PRKAR1B: variants seen among roughly 807,000 people sequenced by gnomAD.
PRKAR1B encodes the protein protein kinase cAMP-dependent type I regulatory subunit beta, also known as cAMP-dependent protein kinase type I-beta regulatory subunit.
In PRKAR1B, 22 loss-of-function variants were observed where a neutral mutation model predicts 46.5. That is an observed-to-expected ratio of 0.47 (90% CI 0.34 to 0.68). PRKAR1B has a LOEUF of 0.68. Ranked by LOEUF, PRKAR1B falls within the 30% of genes least tolerant of loss-of-function variation. The probability of loss-of-function intolerance (pLI) is 0.01; values close to 1 mark genes in which losing one functional copy is unlikely to be tolerated. For synonymous variants in PRKAR1B, 259 were observed against 217.7 expected, an observed-to-expected ratio of 1.19 and a Z score of -1.67; for missense variants, 445 against 535.6, an observed-to-expected ratio of 0.83 and a Z score of 1.67.
chr7:715,633 C>G (rs913062262), intron 1 of PRKAR1B, among the ~76,000 whole-genome samples: 4 of 152,124 alleles, frequency 2.6e-5, no homozygotes, highest in African/African-American at 4.8e-5. Flanking sequence ...CTTACTTCAC[C>G]CATAGAATGT....
chr7:676,696 T>G (rs1165071202), intron 4 of PRKAR1B, among the ~76,000 whole-genome samples: 1 of 152,222 alleles, frequency 6.6e-6, no homozygotes, highest in Non-Finnish European at 1.5e-5. Context: ...TCCTGAGAGC[T>G]GTGACACGCT....
chr7:662,490 C>A (rs368029485), intron 4 of PRKAR1B, among the ~76,000 whole-genome samples: 12 of 143,018 alleles, frequency 8.4e-5, no homozygotes, highest in South Asian at 2.4e-4. Flanking sequence ...TACTCTCCCC[C>A]CCATGCCACA....
rs575897034 is a variant in PRKAR1B, at chr7:682,781, A to C, written c.178-2055T>G. On this transcript the variant is annotated intron_variant, in intron 2 of 10. Coordinates refer to ENST00000537384, the MANE Select transcript of PRKAR1B (RefSeq NM_001164760.2). Reference sequence around the variant, plus strand: ...AATTGTTTTAAGGAAAAGAGATTTCAACCTGTCCTAACAGATATGAATGGC... The same window carrying C: ...AATTGTTTTAAGGAAAAGAGATTTCCACCTGTCCTAACAGATATGAATGGC... 1.6e-4 allele frequency among the ~76,000 whole-genome samples: 24 copies of C among 152,212 alleles called. No homozygotes were observed. In the East Asian group the frequency reaches 4.2e-3, roughly 27 times the overall value.
At position 667,984 on chromosome 7, in the gene PRKAR1B, G is replaced by A. The variant is rs1156910627; in HGVS notation, c.440+9245C>T. Among the ~76,000 whole-genome samples the A allele has an allele frequency of 1.3e-5, 2 of 152,156 alleles. No homozygotes were observed. Among genetic ancestry groups the A allele is most frequent in the African/African-American group, 4.8e-5 (2 of 41,432 alleles). ...AATTTCTACCCTTCTCCAAGCTTAC[G>A]TATCTCTCGCACAACCTTATGTATC... On this transcript the variant is annotated intron_variant, in intron 4 of 10. Coordinates refer to ENST00000537384, the MANE Select transcript of PRKAR1B (RefSeq NM_001164760.2). This position sits in a 1 kb window ranked among gnomAD's most constrained non-coding sequence, Gnocchi z 4.3.
rs1453790760 is a variant in PRKAR1B, at chr7:588,714, G to A, written c.709-4146C>T. On this transcript the variant is annotated intron_variant, in intron 7 of 10. Transcript: ENST00000537384. Reference sequence around the variant, plus strand: ...GATGGTGGTGATGGTGATGGTGATGGTGGTGATGGTGGTGAGGATAGTGAC... The same window carrying A: ...GATGGTGGTGATGGTGATGGTGATGATGGTGATGGTGGTGAGGATAGTGAC... Among the ~76,000 whole-genome samples, 117 of 61,998 alleles carry A rather than the reference G, an allele frequency of 1.9e-3. 2 individuals are homozygous for A. The highest frequency in any genetic ancestry group is 2.9e-3 in the East Asian group (4 of 1,374). 40.7% of individuals were successfully genotyped at this position (61,998 alleles called of 152,430 possible).
At chr7:573,778 C>A (rs188160139) in intron 9 of PRKAR1B, among the ~76,000 whole-genome samples, 1 of 152,164 alleles carries the variant, frequency 6.6e-6, no homozygotes, top group Non-Finnish European at 1.5e-5. Flanking sequence ...ACTGGGATCG[C>A]GGAGTCGGGC....
At chr7:671,413 T>A (rs1377186585) in intron 4 of PRKAR1B, among the ~76,000 whole-genome samples, 1 of 152,176 alleles carries the variant, frequency 6.6e-6, no homozygotes, top group Non-Finnish European at 1.5e-5. Context: ...CCCTGGGAAC[T>A]CCAAGCACAT....
At chr7:590,599 C>T (rs1008781441) in intron 7 of PRKAR1B, among the ~76,000 whole-genome samples, 5 of 152,182 alleles carry the variant, frequency 3.3e-5, no homozygotes, top group East Asian at 1.9e-4. Context: ...CAGCCCTCCC[C>T]GATACCCAGG....
intron 7 of PRKAR1B, among the ~76,000 whole-genome samples, chr7:595,582 C>T (rs942475869): frequency 6.6e-6 from 1 of 152,298 alleles, no homozygotes; most frequent in East Asian, 1.9e-4. Flanking sequence ...CCAGGAGCCC[C>T]TACAAACACC....
chr7:668,091 C>T lies in PRKAR1B; in HGVS notation c.440+9138G>A, dbSNP rs565292721. Reference sequence around the variant, plus strand: ...TATCTGTCTTGAACCTGAACTTGTACGGAGGGGTCATTAGGCCAGCAGGTG... The same window carrying T: ...TATCTGTCTTGAACCTGAACTTGTATGGAGGGGTCATTAGGCCAGCAGGTG... On this transcript the variant is annotated intron_variant, in intron 4 of 10. Coordinates refer to ENST00000537384, the MANE Select transcript of PRKAR1B (RefSeq NM_001164760.2). Among the ~76,000 whole-genome samples the T allele has an allele frequency of 9.8e-5, 15 of 152,290 alleles. No individual in the cohort carries two copies. The East Asian group carries it at 2.7e-3, about 27-fold the overall frequency.
chr7:550,332 G>T lies in PRKAR1B; in HGVS notation c.*98C>A, dbSNP rs1179848153. 3.5e-6 allele frequency: 4 copies of T among 1,143,526 alleles called. No homozygotes were observed. The highest frequency in any genetic ancestry group is 5.0e-6 in the Non-Finnish European group (4 of 793,188). The allele number at this position is 1,143,526 out of a possible 1,614,324, so 70.8% of individuals were successfully genotyped here. ...ACGCTGCCGGGACCCAGCCCCACCC[G>T]GCCCACACCTCACACAGCGGCTCCC... is the stretch of plus-strand genomic sequence containing the variant. On this transcript the variant is annotated 3_prime_UTR_variant, in exon 11 of 11. Transcript: ENST00000537384.
intron 10 of PRKAR1B, 100 bp downstream of exon 10, chr7:551,289 C>T: frequency 1.7e-6 from 2 of 1,160,574 alleles, no homozygotes; most frequent in Non-Finnish European, 2.5e-6. Flanking sequence ...TACAAGGCCC[C>T]AGGGAAGCCC....
chr7:640,530 A>C (rs1784332945), intron 4 of PRKAR1B, among the ~76,000 whole-genome samples: 1 of 152,188 alleles, frequency 6.6e-6, no homozygotes, highest in Non-Finnish European at 1.5e-5. Flanking sequence ...CGGGAGGCCG[A>C]GGCGGGTGGA....
chr7:567,442 CCAT>C (rs1490016048), intron 9 of PRKAR1B, among the ~76,000 whole-genome samples: 1 of 130,394 alleles, frequency 7.7e-6, no homozygotes, highest in Non-Finnish European at 1.7e-5. Context: ...ATCATCATCA[CCAT>C]CACCTCCATC....
chr7:583,511 C>CCA (rs148306994), intron 8 of PRKAR1B, among the ~76,000 whole-genome samples: 5 of 59,806 alleles, frequency 8.4e-5, no homozygotes, highest in African/African-American at 3.2e-4. Flanking sequence ...CCATACACAC[C>CCA]CACACACGCG....
intron 1 of PRKAR1B, chr7:712,484 G>C (rs1368227652): frequency 6.8e-6 from 1 of 147,232 alleles, no homozygotes; most frequent in Admixed American, 6.7e-5. Context: ...GCTGGCGAGC[G>C]AGCGAGCGGG....
chr7:659,575 G>A (rs896892409), intron 4 of PRKAR1B, among the ~76,000 whole-genome samples: 7 of 152,178 alleles, frequency 4.6e-5, no homozygotes, highest in Admixed American at 3.3e-4. Context: ...CAACACTGGT[G>A]AGGCAAGAAG....
At chr7:699,144 A>G (rs1779927045) in intron 2 of PRKAR1B, among the ~76,000 whole-genome samples, 1 of 152,214 alleles carries the variant, frequency 6.6e-6, no homozygotes. Flanking sequence ...CAAGGTGGGA[A>G]GGGTGTGGCC....
chr7:633,594 T>G (rs985625897), intron 4 of PRKAR1B, among the ~76,000 whole-genome samples: 7 of 152,044 alleles, frequency 4.6e-5, no homozygotes, highest in Non-Finnish European at 7.4e-5. Context: ...CAAGACCCCA[T>G]CTCTACAAAA....
Sources: gnomAD v4.1 joint callset for allele counts (sites outside exome capture counted in the v4.1 genomes callset) on GRCh38, gnomAD v4.1.1 for gene constraint, Gnocchi (gnomAD v3.1) non-coding constraint, MANE v1.5 for transcripts, NCBI Gene and HGNC (gene_info 2026-07-23, HGNC 2026-07-21) for gene names.